The following APOL6 variants were observed in gnomAD, a reference collection of about 807,000 sequenced individuals.
The protein encoded by APOL6 is apolipoprotein L6.
A neutral mutation model predicts 2.4 loss-of-function variants in APOL6; 1 was observed. That is an observed-to-expected ratio of 0.41 (90% CI 0.15 to 1.94). The LOEUF (loss-of-function observed/expected upper bound fraction) is 1.94, where lower values mean the gene tolerates loss of function less well. Ranked by LOEUF, APOL6 falls within the 30% of genes most tolerant of loss-of-function variation. The pLI, the probability that APOL6 is intolerant of heterozygous loss-of-function variation, is 0.30. For missense variants in APOL6, 438 were observed against 429.2 expected (o/e 1.02, Z -0.18); for synonymous variants, 189 against 169.3 (o/e 1.12, Z -0.90).
chr22:35,653,865 C>T lies in APOL6; in HGVS notation c.-47-2514C>T, dbSNP rs146474484. Among the ~76,000 whole-genome samples the T allele has an allele frequency of 8.1e-4, 123 of 152,324 alleles. 1 individual carries two copies. The East Asian group carries it at 0.023, about 29-fold the overall frequency. Reference sequence around the variant, plus strand: ...TTAAGGGCTCAGTCCCATAAGACTGCCCCTACTTCAGACACCAGTTGTAAG... The same window carrying T: ...TTAAGGGCTCAGTCCCATAAGACTGTCCCTACTTCAGACACCAGTTGTAAG... On this transcript the variant is annotated intron_variant, in intron 1 of 2. Transcript: ENST00000409652.
In APOL6 at chr22:35,656,433, A is replaced by G. The variant is rs5750145; in HGVS notation, c.8A>G (p.Asn3Ser). Reference protein sequence around the residue: MDNQAERESEAGV... With the variant: MDSQAERESEAGV... The stretch of plus-strand genomic sequence containing the variant: ...TTGCTGCCACAGAGGCTGATGGACA[A>G]CCAGGCGGAGAGAGAAAGTGAGGCT... The change falls in exon 2 of 3, where the codon AAC becomes AGC. Residue 3 changes from asparagine to serine, a missense_variant. Transcript: ENST00000409652. 4 of 1,614,120 alleles carry G rather than the reference A, an allele frequency of 2.5e-6. No individual in the cohort carries two copies. In the East Asian group the frequency reaches 8.9e-5, roughly 36 times the overall value.
chr22:35,659,727 C>A lies in APOL6; in HGVS notation c.*131C>A, dbSNP rs745830183. On this transcript the variant is annotated 3_prime_UTR_variant, in exon 3 of 3. Coordinates refer to ENST00000409652, the MANE Select transcript of APOL6 (RefSeq NM_030641.4). ...GTTTCTCCTTCAATGCTCCTTAAGGCCTATGTGCTGGGAAAAGGGTCTTCC... is the reference window on the plus strand; with the variant it reads ...GTTTCTCCTTCAATGCTCCTTAAGGACTATGTGCTGGGAAAAGGGTCTTCC... 24 of 1,332,614 alleles carry A rather than the reference C, an allele frequency of 1.8e-5. No individual in the cohort carries two copies. Among genetic ancestry groups the A allele is most frequent in the Non-Finnish European group, 2.3e-5 (23 of 999,466 alleles). 82.5% of individuals were successfully genotyped at this position (1,332,614 alleles called of 1,614,324 possible). A position where few individuals can be genotyped will look rare whatever the true frequency, so the allele number is the denominator to read the frequency against.
Position 35,659,807 on chromosome 22 carries a change from C to A in APOL6, c.*211C>A. On this transcript the variant is annotated 3_prime_UTR_variant, in exon 3 of 3. Coordinates refer to ENST00000409652, the MANE Select transcript of APOL6 (RefSeq NM_030641.4). ...TGTTTTGAGACAGGGTCTCTGTTGC[C>A]CAGGCTGGAGTGCAGTGGCGTAATC... The A allele has an allele frequency of 1.2e-6, 1 of 846,624 alleles. No homozygotes were observed. The highest frequency in any genetic ancestry group is 1.8e-6 in the Non-Finnish European group (1 of 569,962). 52.4% of individuals were successfully genotyped at this position (846,624 alleles called of 1,614,324 possible). A position where few individuals can be genotyped will look rare whatever the true frequency, so the allele number is the denominator to read the frequency against.
intron 1 of APOL6, among the ~76,000 whole-genome samples, chr22:35,648,907 G>A (rs936813170): frequency 6.6e-6 from 1 of 152,204 alleles, no homozygotes; most frequent in Non-Finnish European, 1.5e-5. Flanking sequence ...CTCCACTGCT[G>A]GGGATCCGAG....
chr22:35,655,188 C>T (rs2145955341), intron 1 of APOL6, among the ~76,000 whole-genome samples: 1 of 152,330 alleles, frequency 6.6e-6, no homozygotes, highest in Non-Finnish European at 1.5e-5. Flanking sequence ...GTGTCTCCTA[C>T]ATACACTTAA....
chr22:35,659,318 C>A lies in APOL6; in HGVS notation c.754C>A (p.Leu252Ile), dbSNP rs930875786. 13 of 1,613,978 alleles carry A rather than the reference C, an allele frequency of 8.1e-6. No individual in the cohort carries two copies. The highest frequency in any genetic ancestry group is 2.7e-5 in the African/African-American group (2 of 74,908). The change falls in exon 3 of 3, where the codon CTC becomes ATC. Residue 252 changes from leucine (L) to isoleucine (I), a missense_variant. By Grantham distance (5) the Leu-to-Ile change is conservative (BLOSUM62 2). Coordinates refer to ENST00000409652, the MANE Select transcript of APOL6 (RefSeq NM_030641.4). ...CTCCCTTGGCTATGACTTGGCCACTCTCTCAAAGGAATGGAAGCACCTGAA... is the reference window on the plus strand; with the variant it reads ...CTCCCTTGGCTATGACTTGGCCACTATCTCAAAGGAATGGAAGCACCTGAA... ...AFSLGYDLAT[L>I]SKEWKHLKEG...
chr22:35,662,735 G>C lies in APOL6; in HGVS notation c.*3139G>C, dbSNP rs1344783816. On this transcript the variant is annotated 3_prime_UTR_variant, in exon 3 of 3. Transcript: ENST00000409652. Reference sequence around the variant, plus strand: ...ACTGAGACCTGTCTCGGATTTTCTGGGTTCACATTTTGGAAACCATGAATG... The same window carrying C: ...ACTGAGACCTGTCTCGGATTTTCTGCGTTCACATTTTGGAAACCATGAATG... The C allele has an allele frequency of 6.6e-6, 1 of 152,110 alleles. No individual in the cohort carries two copies. Among genetic ancestry groups the C allele is most frequent in the African/African-American group, 2.4e-5 (1 of 41,406 alleles). 9.4% of individuals were successfully genotyped at this position (152,110 alleles called of 1,614,324 possible). A position where few individuals can be genotyped will look rare whatever the true frequency, so the allele number is the denominator to read the frequency against.
chr22:35,654,101 A>T (rs1432357231), intron 1 of APOL6, among the ~76,000 whole-genome samples: 1 of 152,222 alleles, frequency 6.6e-6, no homozygotes, highest in African/African-American at 2.4e-5. Context: ...GGGAAGAGAC[A>T]TGGAGTTCCC....
intron 1 of APOL6, among the ~76,000 whole-genome samples, chr22:35,653,471 G>A (rs1236476171): frequency 1.3e-5 from 2 of 152,188 alleles, no homozygotes; most frequent in African/African-American, 2.4e-5. Flanking sequence ...TCCCTGTCTT[G>A]TGCCAGTTTT....
chr22:35,654,755 G>A (rs1334639948), intron 1 of APOL6, among the ~76,000 whole-genome samples: 2 of 152,022 alleles, frequency 1.3e-5, no homozygotes, highest in African/African-American at 2.4e-5. Context: ...GGTCATAATT[G>A]TGAGAGAACA....
Position 35,664,904 on chromosome 22 carries a change from T to A in APOL6, c.*5308T>A, listed in dbSNP as rs185827009. 1.3e-5 allele frequency: 2 copies of A among 151,502 alleles called. No homozygotes were observed. The highest frequency in any genetic ancestry group is 3.9e-4 in the East Asian group (2 of 5,174). 9.4% of individuals were successfully genotyped at this position (151,502 alleles called of 1,614,324 possible). ...AACCAGAAAAGAAAAAAAATGTAAATAAAGTTATAAAAATAAAGAATTTTT... is the reference window on the plus strand; with the variant it reads ...AACCAGAAAAGAAAAAAAATGTAAAAAAAGTTATAAAAATAAAGAATTTTT... On this transcript the variant is annotated 3_prime_UTR_variant, in exon 3 of 3. Coordinates refer to ENST00000409652, the MANE Select transcript of APOL6 (RefSeq NM_030641.4).
intron 1 of APOL6, among the ~76,000 whole-genome samples, chr22:35,649,519 A>G (rs1924633029): frequency 6.6e-6 from 1 of 151,934 alleles, no homozygotes; most frequent in Non-Finnish European, 1.5e-5. Flanking sequence ...TAGATTGTGT[A>G]TCTGCAGAAG....
rs976224576 is a variant in APOL6, at chr22:35,666,816, A to G, written c.*7220A>G. 6.6e-6 allele frequency: 1 copy of G among 152,174 alleles called. No homozygotes were observed. The highest frequency in any genetic ancestry group is 1.5e-5 in the Non-Finnish European group (1 of 68,024). The allele number at this position is 152,174 out of a possible 1,614,324, so 9.4% of individuals were successfully genotyped here. A position where few individuals can be genotyped will look rare whatever the true frequency, so the allele number is the denominator to read the frequency against. ...TTGCTGATCCTTTGTTTTGTGTTTC[A>G]GTCTTAAAACTTTTCTTTTGAGCTA... On this transcript the variant is annotated 3_prime_UTR_variant, in exon 3 of 3. Coordinates refer to ENST00000409652, the MANE Select transcript of APOL6 (RefSeq NM_030641.4).
rs1160985521 is a variant in APOL6, at chr22:35,664,200, G to C, written c.*4604G>C. On this transcript the variant is annotated 3_prime_UTR_variant, in exon 3 of 3. Coordinates refer to ENST00000409652, the MANE Select transcript of APOL6 (RefSeq NM_030641.4). ...TACTTATCCCTGCCAAATACCAGAA[G>C]GTGTCAAAATTTGGCATAGGGGTTA... 3 of 152,146 alleles carry C rather than the reference G, an allele frequency of 2.0e-5. No individual in the cohort carries two copies. The highest frequency in any genetic ancestry group is 7.2e-5 in the African/African-American group (3 of 41,436). 9.4% of individuals were successfully genotyped at this position (152,146 alleles called of 1,614,324 possible).
rs1925114918 is a variant in APOL6 at position 35,664,457 on chromosome 22, C to T, written c.*4861C>T. 6.6e-6 allele frequency: 1 copy of T among 152,148 alleles called. No homozygotes were observed. Among genetic ancestry groups the T allele is most frequent in the South Asian group, 2.1e-4 (1 of 4,830 alleles). 9.4% of individuals were successfully genotyped at this position (152,148 alleles called of 1,614,324 possible). On this transcript the variant is annotated 3_prime_UTR_variant, in exon 3 of 3. Coordinates refer to ENST00000409652, the MANE Select transcript of APOL6 (RefSeq NM_030641.4). Reference sequence around the variant, plus strand: ...AAGCTGAACTTAAACTAGGTTCCTCCCAAAGTTCATTCGGCCTATGCCCAG... The same window carrying T: ...AAGCTGAACTTAAACTAGGTTCCTCTCAAAGTTCATTCGGCCTATGCCCAG...
chr22:35,667,289 A>G lies in APOL6; in HGVS notation c.*7693A>G, dbSNP rs1422300241. 1 of 152,234 alleles carries G rather than the reference A, an allele frequency of 6.6e-6. No individual in the cohort carries two copies. 9.4% of individuals were successfully genotyped at this position (152,234 alleles called of 1,614,324 possible). On this transcript the variant is annotated 3_prime_UTR_variant, in exon 3 of 3. Coordinates refer to ENST00000409652, the MANE Select transcript of APOL6 (RefSeq NM_030641.4). ...TGATGGCACAAATCCATGGCTGGGC[A>G]TGGCTTTAAGAAAGTCTTATCTGAG...
chr22:35,665,160 T>C lies in APOL6; in HGVS notation c.*5564T>C, dbSNP rs982790801. The C allele has an allele frequency of 2.0e-5, 3 of 152,012 alleles. No homozygotes were observed. The highest frequency in any genetic ancestry group is 4.4e-5 in the Non-Finnish European group (3 of 67,988). The allele number at this position is 152,012 out of a possible 1,614,324, so 9.4% of individuals were successfully genotyped here. On this transcript the variant is annotated 3_prime_UTR_variant, in exon 3 of 3. Coordinates refer to ENST00000409652, the MANE Select transcript of APOL6 (RefSeq NM_030641.4). The stretch of plus-strand genomic sequence containing the variant: ...GCTTTTATATAATCAAGTTGTCATA[T>C]TATTATTAAGTTTTGGTTTGCTTAG...
intron 1 of APOL6, among the ~76,000 whole-genome samples, chr22:35,652,012 C>G (rs1460792883): frequency 6.6e-6 from 1 of 152,206 alleles, no homozygotes; most frequent in Non-Finnish European, 1.5e-5. Flanking sequence ...ACAGTCCAAC[C>G]AACAGTGTAA....
At chr22:35,650,927 T>C (rs1924671573) in intron 1 of APOL6, among the ~76,000 whole-genome samples, 1 of 137,800 alleles carries the variant, frequency 7.3e-6, no homozygotes, top group Admixed American at 7.0e-5. Context: ...CAAAATTCAG[T>C]CTCAAAAAAA....
Sources: allele counts gnomAD v4.1 joint callset (sites outside exome capture counted in the v4.1 genomes callset), GRCh38; gene constraint gnomAD v4.1.1; transcripts MANE v1.5; gene names NCBI Gene and HGNC (gene_info 2026-07-23, HGNC 2026-07-21).